GRIK4: variants seen among roughly 807,000 people sequenced by gnomAD.
GRIK4 encodes the protein glutamate receptor ionotropic, kainate 4.
GRIK4 carries 40 observed loss-of-function variants against 104.9 expected under a neutral mutation model. The observed-to-expected ratio is 0.38, with a 90% confidence interval of 0.30 to 0.50. The LOEUF is 0.50. Ranked by LOEUF, GRIK4 falls within the 20% of genes least tolerant of loss-of-function variation. The pLI is 0.93. For missense variants in GRIK4, 1,047 were observed against 1,308.1 expected, an observed-to-expected ratio of 0.80 and a Z score of 3.08; for synonymous variants, 485 against 524.9, an observed-to-expected ratio of 0.92 and a Z score of 1.04.
chr11:120,808,765 C>T (rs1007444497), intron 4 of GRIK4, among the ~76,000 whole-genome samples: 7 of 152,194 alleles, frequency 4.6e-5, no homozygotes, highest in South Asian at 2.1e-4. Context: ...CAGGGCTTCA[C>T]GTGTACTCTG....
intron 3 of GRIK4, among the ~76,000 whole-genome samples, chr11:120,715,607 C>T (rs573222604): frequency 1.2e-4 from 18 of 152,238 alleles, no homozygotes; most frequent in African/African-American, 3.9e-4. Flanking sequence ...CATTCGTTTT[C>T]CCCACCAACA....
chr11:120,855,217 A>G (rs986449194), intron 8 of GRIK4, among the ~76,000 whole-genome samples: 2 of 152,202 alleles, frequency 1.3e-5, no homozygotes, highest in Non-Finnish European at 2.9e-5. Flanking sequence ...ACCAAGCTGC[A>G]TTCGACTGCC....
chr11:120,566,968 ATTTTTTTTTTTTTT>A (rs572433053), intron 1 of GRIK4, among the ~76,000 whole-genome samples: 1 of 99,728 alleles, frequency 1.0e-5, no homozygotes, highest in Non-Finnish European at 1.9e-5. Flanking sequence ...CGGCCTCCTA[ATTTTTTTTTTTTTT>A]TTTTTTTTTT....
intron 3 of GRIK4, among the ~76,000 whole-genome samples, chr11:120,682,998 T>C (rs995307388): frequency 6.6e-6 from 1 of 151,982 alleles, no homozygotes; most frequent in Admixed American, 6.6e-5. Flanking sequence ...CTGCTCCCCC[T>C]CTCTCTTGTT....
chr11:120,541,578 C>T (rs997221508), intron 1 of GRIK4, among the ~76,000 whole-genome samples: 10 of 152,020 alleles, frequency 6.6e-5, no homozygotes, highest in African/African-American at 1.7e-4. Flanking sequence ...ACTGCAGCCT[C>T]GACCTCCTGG....
intron 1 of GRIK4, among the ~76,000 whole-genome samples, chr11:120,565,690 G>C (rs538323603): frequency 6.6e-6 from 1 of 152,186 alleles, no homozygotes; most frequent in Non-Finnish European, 1.5e-5. Flanking sequence ...AATGAGACCG[G>C]AGTAGAAATA....
chr11:120,784,514 C>T (rs1487647854), intron 3 of GRIK4, among the ~76,000 whole-genome samples: 1 of 152,160 alleles, frequency 6.6e-6, no homozygotes, highest in Non-Finnish European at 1.5e-5. Flanking sequence ...TCGGAGGCCA[C>T]AGGGTCCTGT....
At chr11:120,547,625 G>A (rs533475748) in intron 1 of GRIK4, among the ~76,000 whole-genome samples, 1 of 151,774 alleles carries the variant, frequency 6.6e-6, no homozygotes, top group Admixed American at 6.6e-5. Flanking sequence ...ATAAACACTT[G>A]GTTTTTCCAT....
At chr11:120,948,442 T>G (rs902247887) in intron 14 of GRIK4, among the ~76,000 whole-genome samples, 2 of 152,204 alleles carry the variant, frequency 1.3e-5, no homozygotes, top group African/African-American at 4.8e-5. Context: ...ACGTGTCTGG[T>G]CCACTCTGTC....
At chr11:120,883,524 G>T (rs1375085022) in intron 11 of GRIK4, among the ~76,000 whole-genome samples, 1 of 152,176 alleles carries the variant, frequency 6.6e-6, no homozygotes, top group African/African-American at 2.4e-5. Flanking sequence ...CAGGGACAAC[G>T]GTCAAGGGGC....
chr11:120,721,583 C>G (rs1950934445), intron 3 of GRIK4, among the ~76,000 whole-genome samples: 1 of 152,064 alleles, frequency 6.6e-6, no homozygotes, highest in Non-Finnish European at 1.5e-5. Flanking sequence ...GCAAGGCAAG[C>G]AGATTTAGGG....
At chr11:120,613,663 G>GT (rs1399768291) in intron 1 of GRIK4, among the ~76,000 whole-genome samples, 1 of 152,196 alleles carries the variant, frequency 6.6e-6, no homozygotes, top group East Asian at 1.9e-4. Context: ...TGCCCTCCGT[G>GT]TTTTTCCATC....
intron 3 of GRIK4, among the ~76,000 whole-genome samples, chr11:120,794,183 G>A (rs1952462637): frequency 6.6e-6 from 1 of 150,504 alleles, no homozygotes; most frequent in Non-Finnish European, 1.5e-5. Flanking sequence ...GAGGGAAGTT[G>A]TTAGGGCTGA....
intron 6 of GRIK4, among the ~76,000 whole-genome samples, chr11:120,825,049 C>T (rs1044498098): frequency 4.6e-5 from 7 of 151,846 alleles, no homozygotes; most frequent in African/African-American, 1.7e-4. Context: ...CTCACCCTCC[C>T]GAGTAGCTGG....
chr11:120,806,841 G>A (rs1373718247), intron 4 of GRIK4, among the ~76,000 whole-genome samples: 3 of 152,194 alleles, frequency 2.0e-5, no homozygotes, highest in Admixed American at 1.3e-4. Context: ...TTGAAGGCGA[G>A]GCTCTGAGAT....
intron 1 of GRIK4, among the ~76,000 whole-genome samples, chr11:120,546,736 C>T (rs1048071069): frequency 6.6e-6 from 1 of 152,178 alleles, no homozygotes; most frequent in Non-Finnish European, 1.5e-5. Flanking sequence ...ATGTCACTCC[C>T]GTTCCTGAGT....
chr11:120,797,493 A>G (rs1419252893), intron 3 of GRIK4, among the ~76,000 whole-genome samples: 1 of 152,176 alleles, frequency 6.6e-6, no homozygotes, highest in Admixed American at 6.5e-5. Context: ...CTGCCTGTTG[A>G]GCACATGCTT....
intron 9 of GRIK4, among the ~76,000 whole-genome samples, chr11:120,866,551 C>T (rs1417653119): frequency 6.6e-6 from 1 of 152,188 alleles, no homozygotes; most frequent in Non-Finnish European, 1.5e-5. Context: ...CTCCCAAGGC[C>T]TCAGCATCTT....
At chr11:120,553,037 G>C (rs1464906917) in intron 1 of GRIK4, among the ~76,000 whole-genome samples, 1 of 151,932 alleles carries the variant, frequency 6.6e-6, no homozygotes, top group East Asian at 1.9e-4. Flanking sequence ...GGGAGGAAGG[G>C]ACAAAGGATT....
Sources: gnomAD v4.1 joint callset for allele counts (sites outside exome capture counted in the v4.1 genomes callset) on GRCh38, gnomAD v4.1.1 for gene constraint, MANE v1.5 for transcripts, NCBI Gene and HGNC (gene_info 2026-07-23, HGNC 2026-07-21) for gene names.